The following SAMTOR variants were observed in gnomAD, a reference collection of about 807,000 sequenced individuals.
The protein encoded by SAMTOR is S-adenosylmethionine sensor upstream of mTORC1.
the SAMTOR span, among the ~76,000 whole-genome samples, chr7:112,878,056 T>C: frequency 1.3e-5 from 2 of 152,144 alleles, no homozygotes; most frequent in African/African-American, 4.8e-5. Context: ...AAACCGAAAA[T>C]GGCTGGATAA....
chr7:112,860,774 T>C, the SAMTOR span, among the ~76,000 whole-genome samples: 1 of 151,660 alleles, frequency 6.6e-6, no homozygotes, highest in Non-Finnish European at 1.5e-5. Context: ...TAGCCGGGCA[T>C]GGTGGCGGGC....
chr7:112,897,964 G>C, the SAMTOR span, among the ~76,000 whole-genome samples: 1 of 152,146 alleles, frequency 6.6e-6, no homozygotes, highest in Non-Finnish European at 1.5e-5. Context: ...CCAAGCCCCG[G>C]CAGTACACCC....
the SAMTOR span, among the ~76,000 whole-genome samples, chr7:112,928,618 T>C: frequency 6.6e-6 from 1 of 151,986 alleles, no homozygotes; most frequent in East Asian, 1.9e-4. Context: ...ATGAAAAGTA[T>C]AAACAAATTA....
chr7:112,868,038 C>T, the SAMTOR span, among the ~76,000 whole-genome samples: 1 of 152,130 alleles, frequency 6.6e-6, no homozygotes, highest in Non-Finnish European at 1.5e-5. Flanking sequence ...GAATCTAATG[C>T]CTGATGATCT....
chr7:112,921,289 G>A, the SAMTOR span, among the ~76,000 whole-genome samples: 1 of 152,012 alleles, frequency 6.6e-6, no homozygotes, highest in African/African-American at 2.4e-5. Context: ...CAGAAATAAC[G>A]CCGCATATCT....
At chr7:112,822,108 C>T in the SAMTOR span, 49 of 1,613,588 alleles carry the variant, frequency 3.0e-5, no homozygotes, top group Non-Finnish European at 3.6e-5. Flanking sequence ...CATAGCATGA[C>T]GGTTCTGATG....
the SAMTOR span, among the ~76,000 whole-genome samples, chr7:112,936,452 T>C: frequency 9.9e-5 from 15 of 151,938 alleles, no homozygotes; most frequent in Middle Eastern, 3.4e-3. Context: ...ACGAAAAGAG[T>C]GCATTAAGCC....
At chr7:112,922,561 A>T in the SAMTOR span, among the ~76,000 whole-genome samples, 26 of 136,834 alleles carry the variant, frequency 1.9e-4, no homozygotes, top group Non-Finnish European at 3.7e-4. Context: ...GAGTGTCTCT[A>T]CCCAGCCGCC....
the SAMTOR span, among the ~76,000 whole-genome samples, chr7:112,837,414 T>A: frequency 1.3e-5 from 2 of 151,824 alleles, no homozygotes; most frequent in Non-Finnish European, 3.0e-5. Flanking sequence ...CTTCTATTTG[T>A]TCCTTTTATT....
At chr7:112,821,836 G>T in the SAMTOR span, 2 of 1,613,618 alleles carry the variant, frequency 1.2e-6, no homozygotes, top group Non-Finnish European at 1.7e-6. Flanking sequence ...GGCGCATCAG[G>T]GAGTTCTGTG....
chr7:112,858,647 T>A, the SAMTOR span, among the ~76,000 whole-genome samples: 3 of 152,316 alleles, frequency 2.0e-5, no homozygotes, highest in African/African-American at 7.2e-5. Flanking sequence ...TTAATATATG[T>A]CAGTGATTTA....
chr7:112,882,012 CTG>C, the SAMTOR span, among the ~76,000 whole-genome samples: 1 of 152,242 alleles, frequency 6.6e-6, no homozygotes, highest in African/African-American at 2.4e-5. Context: ...CTTTGGGGCT[CTG>C]TGGTTTCTGG....
chr7:112,892,406 T>C, the SAMTOR span, among the ~76,000 whole-genome samples: 1 of 152,176 alleles, frequency 6.6e-6, no homozygotes, highest in Non-Finnish European at 1.5e-5. Context: ...AAGGTTTTAA[T>C]GGACTTTGCC....
the SAMTOR span, among the ~76,000 whole-genome samples, chr7:112,908,122 T>A: frequency 1.2e-4 from 19 of 152,162 alleles, no homozygotes; most frequent in Admixed American, 5.2e-4. Flanking sequence ...GATGGTTAAT[T>A]TTAGGTATCA....
At chr7:112,878,376 G>A in the SAMTOR span, among the ~76,000 whole-genome samples, 2 of 152,084 alleles carry the variant, frequency 1.3e-5, no homozygotes, top group African/African-American at 4.8e-5. Flanking sequence ...TAATGTTTTA[G>A]TATGAATATA....
the SAMTOR span, among the ~76,000 whole-genome samples, chr7:112,926,551 A>C: frequency 1.3e-5 from 2 of 152,232 alleles, no homozygotes; most frequent in Non-Finnish European, 2.9e-5. Context: ...CGATTTCATT[A>C]ACATTGAGGA....
At chr7:112,939,818 G>A in the SAMTOR span, 2 of 1,275,532 alleles carry the variant, frequency 1.6e-6, no homozygotes, top group South Asian at 1.3e-5. Context: ...GAGGAGGTGG[G>A]GTAGGAGGAG....
At chr7:112,869,002 A>T in the SAMTOR span, among the ~76,000 whole-genome samples, 22 of 152,256 alleles carry the variant, frequency 1.4e-4, no homozygotes, top group African/African-American at 5.1e-4. Context: ...GGAGGGAAGC[A>T]GTCTCCAGTC....
At chr7:112,896,150 G>T in the SAMTOR span, among the ~76,000 whole-genome samples, 1 of 152,106 alleles carries the variant, frequency 6.6e-6, no homozygotes, top group South Asian at 2.1e-4. Flanking sequence ...TGTTCTTGAG[G>T]TCCCTCTGGG....
Sources: gnomAD v4.1 joint callset for allele counts (sites outside exome capture counted in the v4.1 genomes callset) on GRCh38, gnomAD v4.1.1 for gene constraint, MANE v1.5 for transcripts, NCBI Gene and HGNC (gene_info 2026-07-23, HGNC 2026-07-21) for gene names.